Variants in ROBO1 observed in about 807,000 individuals in gnomAD.
ROBO1 encodes the protein roundabout guidance receptor 1.
ROBO1 carries 149 observed loss-of-function variants against 195.9 expected under a neutral mutation model. The ratio of observed to expected loss-of-function variants is 0.76; its 90% CI spans 0.67 to 0.87. ROBO1 has a LOEUF of 0.87. Ranked by LOEUF, ROBO1 falls within the 40% of genes least tolerant of loss-of-function variation. The pLI is 0.00. For synonymous variants in ROBO1, 816 were observed against 733.2 expected, an observed-to-expected ratio of 1.11 and a Z score of -1.82; for missense variants, 1,933 against 2,068.3, an observed-to-expected ratio of 0.93 and a Z score of 1.27.
intron 5 of ROBO1, among the ~76,000 whole-genome samples, chr3:78,718,167 C>T (rs543681226): frequency 3.4e-4 from 51 of 152,196 alleles, no homozygotes; most frequent in African/African-American, 1.2e-3. Flanking sequence ...CAAGTTATTT[C>T]ATATTATTTA....
At chr3:79,309,353 G>C (rs1312049023) in intron 2 of ROBO1, among the ~76,000 whole-genome samples, 3 of 152,190 alleles carry the variant, frequency 2.0e-5, no homozygotes, top group African/African-American at 4.8e-5. Flanking sequence ...CAGAAGGCTT[G>C]AGCTCAGAAG....
At chr3:79,684,658 T>G (rs1219329347) in intron 1 of ROBO1, among the ~76,000 whole-genome samples, 1 of 151,958 alleles carries the variant, frequency 6.6e-6, no homozygotes, top group African/African-American at 2.4e-5. Context: ...TGAATTATGA[T>G]GATGATGATG....
At chr3:79,446,848 G>T (rs1224357657) in intron 2 of ROBO1, among the ~76,000 whole-genome samples, 1 of 152,026 alleles carries the variant, frequency 6.6e-6, no homozygotes, top group Non-Finnish European at 1.5e-5. Flanking sequence ...TTTTGAGATG[G>T]AGTCTTCCTC....
intron 2 of ROBO1, among the ~76,000 whole-genome samples, chr3:79,504,867 C>T (rs1559948776): frequency 6.6e-6 from 1 of 151,274 alleles, no homozygotes; most frequent in Non-Finnish European, 1.5e-5. Context: ...CTATGTGTGT[C>T]TGTGTGTGTG....
At chr3:79,635,106 G>A (rs1297534256) in intron 1 of ROBO1, among the ~76,000 whole-genome samples, 1 of 152,158 alleles carries the variant, frequency 6.6e-6, no homozygotes. Flanking sequence ...TTTAGAGGCT[G>A]ATGCATGGTT....
At chr3:79,065,781 G>T (rs1325767890) in intron 3 of ROBO1, among the ~76,000 whole-genome samples, 1 of 151,846 alleles carries the variant, frequency 6.6e-6, no homozygotes, top group Non-Finnish European at 1.5e-5. Context: ...AAATTAGTTA[G>T]ATAAAAGGCA....
chr3:78,689,444 A>G (rs2081121522), intron 8 of ROBO1, among the ~76,000 whole-genome samples: 1 of 152,136 alleles, frequency 6.6e-6, no homozygotes, highest in African/African-American at 2.4e-5. Flanking sequence ...CCAGCAGTAA[A>G]TAGTGTCAGA....
intron 28 of ROBO1, among the ~76,000 whole-genome samples, chr3:78,609,939 G>C (rs376114646): frequency 1.3e-5 from 2 of 152,082 alleles, no homozygotes; most frequent in African/African-American, 4.8e-5. Flanking sequence ...CTAAAGCTAA[G>C]GTGTTAGAAT....
chr3:79,561,612 G>T (rs1308845351), intron 2 of ROBO1, among the ~76,000 whole-genome samples: 1 of 152,136 alleles, frequency 6.6e-6, no homozygotes, highest in African/African-American at 2.4e-5. Flanking sequence ...AAACAGGAAG[G>T]CAACTTGGTC....
At chr3:79,067,705 T>C (rs1372614631) in intron 3 of ROBO1, among the ~76,000 whole-genome samples, 1 of 152,022 alleles carries the variant, frequency 6.6e-6, no homozygotes, top group Non-Finnish European at 1.5e-5. Context: ...GTATTAGTTA[T>C]CTACCTGTGT....
At chr3:78,645,542 C>A (rs1246834660) in intron 21 of ROBO1, among the ~76,000 whole-genome samples, 2 of 151,688 alleles carry the variant, frequency 1.3e-5, no homozygotes, top group Non-Finnish European at 2.9e-5. Context: ...CTGGTTGTCA[C>A]ATCAATTTGT....
At chr3:79,285,269 T>C (rs1027353119) in intron 2 of ROBO1, among the ~76,000 whole-genome samples, 5 of 152,194 alleles carry the variant, frequency 3.3e-5, no homozygotes, top group Non-Finnish European at 7.3e-5. Context: ...TTAAAGTCTA[T>C]AGCCCCCATG....
chr3:78,963,582 G>C (rs1383323888), intron 3 of ROBO1, among the ~76,000 whole-genome samples: 1 of 131,594 alleles, frequency 7.6e-6, no homozygotes, highest in African/African-American at 2.9e-5. Context: ...GCAGTGGCGC[G>C]ATCTCGGCTC....
intron 2 of ROBO1, among the ~76,000 whole-genome samples, chr3:79,274,850 G>C (rs2030891417): frequency 6.6e-6 from 1 of 151,870 alleles, no homozygotes; most frequent in South Asian, 2.1e-4. Flanking sequence ...AGGTTAGTAT[G>C]AGCAACTATA....
chr3:79,419,895 G>A (rs9854058), intron 2 of ROBO1, among the ~76,000 whole-genome samples: 6,887 of 151,970 alleles, frequency 0.045, 211 homozygotes, highest in Non-Finnish European at 0.069. Context: ...GTAAAAATAC[G>A]TACATAAGGT....
intron 3 of ROBO1, chr3:79,018,698 G>C: frequency 7.4e-7 from 1 of 1,349,484 alleles, no homozygotes; most frequent in Non-Finnish European, 9.6e-7. Flanking sequence ...CAGGATTTCC[G>C]AGGAGGCTCA....
intron 1 of ROBO1, among the ~76,000 whole-genome samples, chr3:79,607,886 C>A (rs1944539169): frequency 6.6e-6 from 1 of 151,908 alleles, no homozygotes; most frequent in Non-Finnish European, 1.5e-5. Flanking sequence ...TTTGCCATAA[C>A]CAGGATGTTG....
chr3:78,660,989 A>G, intron 16 of ROBO1, 41 bp downstream of exon 16: 1 of 1,328,392 alleles, frequency 7.5e-7, no homozygotes, highest in Non-Finnish European at 1.1e-6. Context: ...TCTAACAAAT[A>G]TACTGCAATG....
chr3:79,753,413 T>C (rs1055992628), intron 1 of ROBO1, among the ~76,000 whole-genome samples: 1 of 152,046 alleles, frequency 6.6e-6, no homozygotes, highest in African/African-American at 2.4e-5. Context: ...TCAGACAAAA[T>C]AGGGTTGAAC....
Sources: allele counts gnomAD v4.1 joint callset (sites outside exome capture counted in the v4.1 genomes callset), GRCh38; gene constraint gnomAD v4.1.1; transcripts MANE v1.5; gene names NCBI Gene and HGNC (gene_info 2026-07-23, HGNC 2026-07-21).